The following TAFA2 variants were observed in gnomAD, a reference collection of about 807,000 sequenced individuals.
TAFA2 encodes chemokine-like protein TAFA-2.
TAFA2 carries 7 observed loss-of-function variants against 18.8 expected under a neutral mutation model. The ratio of observed to expected loss-of-function variants is 0.37; its 90% CI spans 0.21 to 0.70. The LOEUF is 0.70. TAFA2 is among the 30% of genes least tolerant of loss of function. TAFA2 has a pLI of 0.53. For missense variants in TAFA2, 122 were observed against 158.1 expected, an observed-to-expected ratio of 0.77 and a Z score of 1.23; for synonymous variants, 60 against 54.2, an observed-to-expected ratio of 1.11 and a Z score of -0.47.
chr12:62,104,279 A>G (rs937347791), intron 1 of TAFA2, among the ~76,000 whole-genome samples: 2 of 148,474 alleles, frequency 1.3e-5, no homozygotes, highest in South Asian at 4.2e-4. Context: ...TCTGAAGCAA[A>G]AAAAAAAAAA....
intron 1 of TAFA2, among the ~76,000 whole-genome samples, chr12:61,927,524 AT>A (rs1226830865): frequency 5.3e-5 from 8 of 152,180 alleles, no homozygotes; most frequent in Non-Finnish European, 2.9e-5. Flanking sequence ...ACACAAACAA[AT>A]GGGAAAACAT....
intron 1 of TAFA2, among the ~76,000 whole-genome samples, chr12:61,997,572 G>T (rs1213235385): frequency 6.6e-6 from 1 of 152,124 alleles, no homozygotes; most frequent in Non-Finnish European, 1.5e-5. Flanking sequence ...AGGGGAGGTG[G>T]TGACAAAATT....
chr12:61,807,684 C>T (rs949047746), intron 2 of TAFA2, among the ~76,000 whole-genome samples: 18 of 151,368 alleles, frequency 1.2e-4, no homozygotes, highest in Non-Finnish European at 2.5e-4. Context: ...AGGAGTGGAG[C>T]TTCCCAAGAC....
intron 1 of TAFA2, among the ~76,000 whole-genome samples, chr12:62,168,931 T>C (rs1347006853): frequency 7.6e-6 from 1 of 132,274 alleles, no homozygotes; most frequent in Non-Finnish European, 1.6e-5. Flanking sequence ...ACTCTCTCAT[T>C]CTCACTCACT....
intron 1 of TAFA2, among the ~76,000 whole-genome samples, chr12:62,236,604 A>C (rs1282848508): frequency 6.6e-6 from 1 of 152,160 alleles, no homozygotes; most frequent in Non-Finnish European, 1.5e-5. Context: ...CTTTTCCTTC[A>C]GATTGAAGAA....
intron 1 of TAFA2, among the ~76,000 whole-genome samples, chr12:62,084,794 AACTAT>A (rs1445128144): frequency 1.3e-5 from 2 of 152,174 alleles, no homozygotes; most frequent in Non-Finnish European, 2.9e-5. Context: ...CATTCAGCAG[AACTAT>A]ACTTCAGATT....
intron 1 of TAFA2, among the ~76,000 whole-genome samples, chr12:62,257,177 T>TGTGTGTGG (rs1565789925): frequency 7.5e-6 from 1 of 134,144 alleles, no homozygotes; most frequent in East Asian, 2.2e-4. Flanking sequence ...TGTGTGTGTG[T>TGTGTGTGG]GTGTGTGTGT....
chr12:62,153,580 G>GGACC (rs2062345130), intron 1 of TAFA2, among the ~76,000 whole-genome samples: 1 of 152,052 alleles, frequency 6.6e-6, no homozygotes, highest in Admixed American at 6.6e-5. Flanking sequence ...TGAGGCAGGA[G>GGACC]GACCGCTTAA....
At chr12:62,237,949 T>A (rs2062845575) in intron 1 of TAFA2, among the ~76,000 whole-genome samples, 1 of 152,196 alleles carries the variant, frequency 6.6e-6, no homozygotes, top group East Asian at 1.9e-4. Context: ...TGCTTTTACG[T>A]CTCTGGCTGA....
At chr12:62,146,194 G>T (rs181052555) in intron 1 of TAFA2, among the ~76,000 whole-genome samples, 1 of 151,730 alleles carries the variant, frequency 6.6e-6, no homozygotes, top group African/African-American at 2.4e-5. Flanking sequence ...CTCACCTCAA[G>T]AAGGGGAAGC....
chr12:62,192,892 T>G (rs2062633224), upstream of TAFA2: 1 of 152,200 alleles, frequency 6.6e-6, no homozygotes, highest in South Asian at 2.1e-4. Flanking sequence ...AACGCTTTAC[T>G]AGATGTAACA....
At chr12:62,001,551 G>A (rs935457293) in intron 1 of TAFA2, among the ~76,000 whole-genome samples, 26 of 152,088 alleles carry the variant, frequency 1.7e-4, no homozygotes, top group Admixed American at 6.5e-4. Flanking sequence ...CCTCACATGC[G>A]CAGATCACAG....
chr12:61,913,637 T>C (rs1876701757), intron 1 of TAFA2, among the ~76,000 whole-genome samples: 1 of 152,196 alleles, frequency 6.6e-6, no homozygotes, highest in Non-Finnish European at 1.5e-5. Flanking sequence ...GACTTCCGAG[T>C]ATCTCTAACA....
intron 1 of TAFA2, among the ~76,000 whole-genome samples, chr12:62,206,253 A>T (rs1242136250): frequency 6.6e-6 from 1 of 152,192 alleles, no homozygotes; most frequent in African/African-American, 2.4e-5. Context: ...CCCATCATAG[A>T]TGAAAGGACA....
At chr12:62,249,832 TCAGA>T (rs1349865174) in intron 1 of TAFA2, among the ~76,000 whole-genome samples, 52 of 152,306 alleles carry the variant, frequency 3.4e-4, no homozygotes, top group African/African-American at 9.4e-4. Context: ...AACAGGAGAT[TCAGA>T]CAAAGAGCCC....
chr12:62,201,667 A>G (rs1345694941), intron 1 of TAFA2, among the ~76,000 whole-genome samples: 1 of 152,216 alleles, frequency 6.6e-6, no homozygotes, highest in Non-Finnish European at 1.5e-5. Flanking sequence ...ATTGATGTTC[A>G]TCAGGGACAT....
intron 1 of TAFA2, among the ~76,000 whole-genome samples, chr12:62,002,059 G>A (rs1000791251): frequency 1.1e-4 from 16 of 152,054 alleles, no homozygotes; most frequent in Admixed American, 2.6e-4. Context: ...GAACCACATC[G>A]CTTGTCCCCT....
chr12:62,059,157 G>GTGTGTGTGTGTGTGTGTGCGTA (rs1555186761), intron 1 of TAFA2, among the ~76,000 whole-genome samples: 3 of 150,486 alleles, frequency 2.0e-5, no homozygotes, highest in African/African-American at 7.4e-5. Flanking sequence ...GTGTGTGTGT[G>GTGTGTGTGTGTGTGTGTGCGTA]TGTGTGTGTG....
At chr12:62,247,719 A>G (rs2062893484) in intron 1 of TAFA2, among the ~76,000 whole-genome samples, 1 of 152,238 alleles carries the variant, frequency 6.6e-6, no homozygotes, top group South Asian at 2.1e-4. Context: ...TTTTAAAAGA[A>G]AAGCTAAAAT....
Sources: gnomAD v4.1 joint callset for allele counts (sites outside exome capture counted in the v4.1 genomes callset) on GRCh38, gnomAD v4.1.1 for gene constraint, MANE v1.5 for transcripts, NCBI Gene and HGNC (gene_info 2026-07-23, HGNC 2026-07-21) for gene names.